STK32B: variants seen among roughly 807,000 people sequenced by gnomAD.
The protein encoded by STK32B is serine/threonine-protein kinase 32B.
STK32B carries 43 observed loss-of-function variants against 52.6 expected under a neutral mutation model. That is an observed-to-expected ratio of 0.82 (90% CI 0.64 to 1.05). The LOEUF (loss-of-function observed/expected upper bound fraction) is 1.05, where lower values mean the gene tolerates loss of function less well. Ranked by LOEUF, STK32B falls within the 50% of genes least tolerant of loss-of-function variation. The pLI is 0.00. For synonymous variants in STK32B, 238 were observed against 204.3 expected (o/e 1.17, Z -1.41); for missense variants, 621 against 534.6 (o/e 1.16, Z -1.59).
At chr4:5,188,303 G>T (rs540321483) in intron 3 of STK32B, among the ~76,000 whole-genome samples, 1 of 152,132 alleles carries the variant, frequency 6.6e-6, no homozygotes, top group South Asian at 2.1e-4. Context: ...AATAGCATTC[G>T]CATGTAATAC....
At chr4:5,388,384 CAGT>C (rs1304105132) in intron 4 of STK32B, among the ~76,000 whole-genome samples, 1 of 152,160 alleles carries the variant, frequency 6.6e-6, no homozygotes, top group Non-Finnish European at 1.5e-5. Context: ...CCTTGACATA[CAGT>C]ATTTCATTTT....
chr4:5,496,867 G>A, intron 11 of STK32B, among the ~76,000 whole-genome samples: 1 of 151,874 alleles, frequency 6.6e-6, no homozygotes, highest in Non-Finnish European at 1.5e-5. Flanking sequence ...TGGTTTGCAA[G>A]TGTTCTTCAT....
chr4:5,308,323 GA>G (rs1174437133), intron 3 of STK32B, among the ~76,000 whole-genome samples: 1 of 152,188 alleles, frequency 6.6e-6, no homozygotes, highest in Non-Finnish European at 1.5e-5. Context: ...TCTTGGAACA[GA>G]AGTTCACGAG....
intron 1 of STK32B, among the ~76,000 whole-genome samples, chr4:5,130,042 C>A (rs6828029): frequency 6.6e-6 from 1 of 151,954 alleles, no homozygotes; most frequent in South Asian, 2.1e-4. Flanking sequence ...AGGAGGACAA[C>A]AAATATTTCT....
chr4:5,345,379 G>A (rs1046186803), intron 4 of STK32B: 9 of 145,230 alleles, frequency 6.2e-5, no homozygotes, highest in Admixed American at 2.1e-4. Context: ...TAAATTCCTC[G>A]TTCCTGTTCC....
chr4:5,473,132 C>A (rs1036206571), intron 11 of STK32B, among the ~76,000 whole-genome samples: 1 of 152,214 alleles, frequency 6.6e-6, no homozygotes. Context: ...AACTTGAACT[C>A]TAATCTCCCG....
intron 4 of STK32B, among the ~76,000 whole-genome samples, chr4:5,335,703 A>AACATCTTT (rs1383761251): frequency 6.6e-6 from 1 of 151,966 alleles, no homozygotes; most frequent in Non-Finnish European, 1.5e-5. Context: ...GGTTTCAAAG[A>AACATCTTT]ACATCTTTAT....
chr4:5,173,529 A>G (rs939932508), intron 3 of STK32B, among the ~76,000 whole-genome samples: 42 of 152,148 alleles, frequency 2.8e-4, no homozygotes, highest in Non-Finnish European at 4.6e-4. Flanking sequence ...GTTTCAAAGA[A>G]CATCTTTATT....
intron 6 of STK32B, among the ~76,000 whole-genome samples, chr4:5,430,688 A>T (rs1713502489): frequency 6.6e-6 from 1 of 152,112 alleles, no homozygotes; most frequent in African/African-American, 2.4e-5. Flanking sequence ...TTTTACTACT[A>T]TGCTTTTAGT....
At chr4:5,468,590 A>G (rs1362646453) in intron 11 of STK32B, among the ~76,000 whole-genome samples, 2 of 152,200 alleles carry the variant, frequency 1.3e-5, no homozygotes, top group Non-Finnish European at 2.9e-5. Context: ...GATTGTTACT[A>G]ATATTTACTT....
intron 3 of STK32B, among the ~76,000 whole-genome samples, chr4:5,270,713 A>C (rs1288366697): frequency 6.6e-6 from 1 of 152,228 alleles, no homozygotes; most frequent in Non-Finnish European, 1.5e-5. Flanking sequence ...TCTGTAAGGC[A>C]AGAAAAAGAA....
At chr4:5,037,997 G>T in the STK32B span, among the ~76,000 whole-genome samples, 1 of 152,050 alleles carries the variant, frequency 6.6e-6, no homozygotes, top group Admixed American at 6.6e-5. Context: ...CTCCCCACCC[G>T]TCCATCCTTG....
intron 1 of STK32B, among the ~76,000 whole-genome samples, chr4:5,134,571 A>C (rs1216918731): frequency 2.0e-5 from 3 of 152,258 alleles, no homozygotes; most frequent in Non-Finnish European, 4.4e-5. Flanking sequence ...ATAGCAACAC[A>C]AAACAGACTA....
At chr4:5,212,365 C>T (rs1722956909) in intron 3 of STK32B, among the ~76,000 whole-genome samples, 10 of 152,162 alleles carry the variant, frequency 6.6e-5, no homozygotes, top group Admixed American at 6.5e-4. Context: ...TGACACCTCT[C>T]AAAACAAGCA....
intron 1 of STK32B, among the ~76,000 whole-genome samples, chr4:5,083,974 T>C (rs1712581294): frequency 6.6e-6 from 1 of 152,184 alleles, no homozygotes; most frequent in Non-Finnish European, 1.5e-5. Flanking sequence ...TGACCTCAGG[T>C]GATCCACTGG....
At position 5,156,225 on chromosome 4, in the gene STK32B, G is replaced by A. The variant is rs117887383; in HGVS notation, c.109-12074G>A. ...ATGTACATACACTTACACATATAGC[G>A]TATACACATACATTGATCTATGATA... On this transcript the variant is annotated intron_variant, in intron 2 of 11. Transcript: ENST00000282908. Among the ~76,000 whole-genome samples, 807 of 151,366 alleles carry A rather than the reference G, an allele frequency of 5.3e-3. 10 individuals are homozygous for A. The highest frequency in any genetic ancestry group is 0.014 in the East Asian group (73 of 5,136).
intron 4 of STK32B, among the ~76,000 whole-genome samples, chr4:5,332,637 C>A (rs557933098): frequency 6.6e-6 from 1 of 152,188 alleles, no homozygotes; most frequent in African/African-American, 2.4e-5. Context: ...CTAATGCTAT[C>A]CCTCCCCGCT....
chr4:5,466,666 GCAGA>G, intron 9 of STK32B, 33 bp from the exon 10 acceptor site: 3 of 1,591,084 alleles, frequency 1.9e-6, no homozygotes, highest in Non-Finnish European at 2.6e-6. Context: ...TGGGTGGAAC[GCAGA>G]CAGACCATGT....
At chr4:5,430,109 A>G (rs1480064790) in intron 6 of STK32B, among the ~76,000 whole-genome samples, 2 of 152,004 alleles carry the variant, frequency 1.3e-5, no homozygotes, top group Non-Finnish European at 2.9e-5. Flanking sequence ...CTTTTTGGAT[A>G]TGTGGTTTGA....
Sources: allele counts gnomAD v4.1 joint callset (sites outside exome capture counted in the v4.1 genomes callset), GRCh38; gene constraint gnomAD v4.1.1; transcripts MANE v1.5; gene names NCBI Gene and HGNC (gene_info 2026-07-23, HGNC 2026-07-21).